UBE2F: variants seen among roughly 807,000 people sequenced by gnomAD.
UBE2F encodes NEDD8-conjugating enzyme UBE2F.
Under a neutral mutation model 29.6 loss-of-function variants are expected in UBE2F, and 5 were observed. That is an observed-to-expected ratio of 0.17 (90% confidence interval 0.09 to 0.36). The LOEUF is 0.36. Among genes scored for constraint, UBE2F ranks in the 10% least tolerant of loss-of-function variants. The probability of loss-of-function intolerance (pLI) is 1.00; values close to 1 mark genes in which losing one functional copy is unlikely to be tolerated. For missense variants in UBE2F, 141 were observed against 228.5 expected (o/e 0.62, Z 2.47); for synonymous variants, 66 against 81.8 (o/e 0.81, Z 1.04).
intron 5 of UBE2F, 67 bp from the exon 6 acceptor site, chr2:238,025,275 C>T: frequency 1.4e-6 from 2 of 1,380,854 alleles, no homozygotes; most frequent in South Asian, 1.2e-5. Flanking sequence ...TGTGGTAAGG[C>T]TCTGGCCTGG....
At chr2:238,023,990 G>A (rs982462661) in intron 5 of UBE2F, among the ~76,000 whole-genome samples, 2 of 152,164 alleles carry the variant, frequency 1.3e-5, no homozygotes, top group Admixed American at 6.5e-5. Context: ...CCCAGAGGTA[G>A]GGAAGTGCCT....
chr2:237,979,372 G>A (rs962934311), intron 2 of UBE2F, among the ~76,000 whole-genome samples: 3 of 152,184 alleles, frequency 2.0e-5, no homozygotes, highest in African/African-American at 7.2e-5. Context: ...GTCACAGGTG[G>A]GACCCCTCAC....
At chr2:238,022,898 A>G (rs1167049565) in intron 5 of UBE2F, among the ~76,000 whole-genome samples, 1 of 152,248 alleles carries the variant, frequency 6.6e-6, no homozygotes, top group Non-Finnish European at 1.5e-5. Flanking sequence ...GTCAGAAGCC[A>G]GGTGCAGAGT....
At chr2:237,993,339 G>A (rs933341539) in intron 3 of UBE2F, among the ~76,000 whole-genome samples, 1 of 152,128 alleles carries the variant, frequency 6.6e-6, no homozygotes, top group Non-Finnish European at 1.5e-5. Flanking sequence ...TGTCTGTGGT[G>A]CTAAGAGAAC....
intron 6 of UBE2F, among the ~76,000 whole-genome samples, chr2:238,027,742 A>G (rs1215681362): frequency 6.6e-6 from 1 of 152,156 alleles, no homozygotes; most frequent in Non-Finnish European, 1.5e-5. Flanking sequence ...GAATAAAGGG[A>G]AGGAAAAGCC....
In UBE2F at chr2:238,011,272, G is replaced by A. The variant is rs540313004; in HGVS notation, c.215-5294G>A. 5.9e-5 allele frequency among the ~76,000 whole-genome samples: 9 copies of A among 152,186 alleles called. No individual in the cohort carries two copies. The East Asian group carries it at 1.2e-3, about 20-fold the overall frequency. ...CTCCACCTCACTCTCTGACCACATT[G>A]GCTTCTGCAGGGTTCACGGAACATA... On this transcript the variant is annotated intron_variant, in intron 4 of 9. Coordinates refer to ENST00000272930, the MANE Select transcript of UBE2F (RefSeq NM_080678.3).
intron 2 of UBE2F, among the ~76,000 whole-genome samples, chr2:237,985,382 C>T (rs1559204664): frequency 6.6e-6 from 1 of 152,084 alleles, no homozygotes; most frequent in Non-Finnish European, 1.5e-5. Flanking sequence ...TCCCCACTCC[C>T]ATGCCCTAGT....
At chr2:238,034,523 T>G (rs915356192) in intron 8 of UBE2F, among the ~76,000 whole-genome samples, 1 of 152,192 alleles carries the variant, frequency 6.6e-6, no homozygotes, top group Non-Finnish European at 1.5e-5. Context: ...CCAATCAAAA[T>G]TGCTAATTAA....
chr2:237,973,179 C>T lies in UBE2F; in HGVS notation c.72C>T (p.Ser24=), dbSNP rs747463614. 2.0e-5 allele frequency: 33 copies of T among 1,613,848 alleles called. No individual in the cohort carries two copies. The highest frequency in any genetic ancestry group is 1.3e-4 in the East Asian group (6 of 44,872). The change falls in exon 2 of 10, where the codon TCC becomes TCT. Residue 24 remains serine (S), a synonymous_variant. Transcript: ENST00000272930. ...LKGSRTAATA[S]DSTRRVSVRD... Reference sequence around the variant, plus strand: ...GGTCCCGGACGGCAGCCACAGCGTCCGACTCGACTCGGAGGGTTTCTGTGA... The same window carrying T: ...GGTCCCGGACGGCAGCCACAGCGTCTGACTCGACTCGGAGGGTTTCTGTGA...
chr2:237,996,536 G>A (rs570255262), intron 4 of UBE2F, among the ~76,000 whole-genome samples: 2 of 149,206 alleles, frequency 1.3e-5, no homozygotes, highest in South Asian at 2.2e-4. Context: ...GTGCAGTGAC[G>A]CAATCTCGGG....
intron 6 of UBE2F, among the ~76,000 whole-genome samples, chr2:238,026,739 C>G (rs1362134194): frequency 6.6e-6 from 1 of 152,096 alleles, no homozygotes; most frequent in African/African-American, 2.4e-5. Flanking sequence ...GGCCGGATGC[C>G]TTTCTCTTCA....
At chr2:238,027,829 G>A (rs1321365354) in intron 6 of UBE2F, among the ~76,000 whole-genome samples, 2 of 152,268 alleles carry the variant, frequency 1.3e-5, no homozygotes, top group East Asian at 1.9e-4. Flanking sequence ...TGGGTGCCTG[G>A]GGCTCCACAG....
At chr2:237,991,382 G>GT (rs1382593435) in intron 3 of UBE2F, among the ~76,000 whole-genome samples, 1 of 152,036 alleles carries the variant, frequency 6.6e-6, no homozygotes, top group Admixed American at 6.6e-5. Flanking sequence ...GTACCACTTA[G>GT]TAACTATTCG....
chr2:237,993,401 CA>C (rs2063627926), intron 3 of UBE2F, among the ~76,000 whole-genome samples: 1 of 152,130 alleles, frequency 6.6e-6, no homozygotes, highest in Non-Finnish European at 1.5e-5. Context: ...TTTAGTTCAC[CA>C]CCAGTGGTGA....
chr2:238,003,257 G>C (rs934033095), intron 4 of UBE2F: 31 of 361,636 alleles, frequency 8.6e-5, no homozygotes, highest in African/African-American at 5.4e-4. Flanking sequence ...ATTTTCTTGC[G>C]ATGTAGAATA....
intron 4 of UBE2F, among the ~76,000 whole-genome samples, chr2:238,004,455 C>T (rs556228644): frequency 1.3e-4 from 20 of 151,628 alleles, no homozygotes; most frequent in Non-Finnish European, 2.4e-4. Flanking sequence ...ACCATAGATA[C>T]GTCTTTTATC....
intron 4 of UBE2F, among the ~76,000 whole-genome samples, chr2:238,009,272 C>T (rs1242479000): frequency 6.6e-6 from 1 of 152,130 alleles, no homozygotes; most frequent in Non-Finnish European, 1.5e-5. Context: ...AGTTTTCATC[C>T]AATTTAGAAA....
intron 1 of UBE2F, among the ~76,000 whole-genome samples, chr2:237,971,256 A>G (rs561550453): frequency 1.3e-5 from 2 of 152,368 alleles, no homozygotes; most frequent in African/African-American, 4.8e-5. Context: ...TCAGAGTGGT[A>G]TTGAAATAAA....
intron 9 of UBE2F, 139 bp from the exon 10 acceptor site, chr2:238,041,149 A>C (rs1035203180): frequency 9.2e-6 from 7 of 759,104 alleles, no homozygotes; most frequent in Non-Finnish European, 1.1e-5. Flanking sequence ...AGACTCCGCA[A>C]GGTCCCAGTC....
Sources: allele counts gnomAD v4.1 joint callset (sites outside exome capture counted in the v4.1 genomes callset), GRCh38; gene constraint gnomAD v4.1.1; transcripts MANE v1.5; gene names NCBI Gene and HGNC (gene_info 2026-07-23, HGNC 2026-07-21).